MPHOSPH9: variants seen among roughly 807,000 people sequenced by gnomAD.
MPHOSPH9 encodes M-phase phosphoprotein 9.
Under a neutral mutation model 145.5 loss-of-function variants are expected in MPHOSPH9, and 88 were observed. The observed-to-expected ratio is 0.60, with a 90% CI of 0.51 to 0.72. The LOEUF is 0.72. Among genes scored for constraint, MPHOSPH9 ranks in the 30% least tolerant of loss-of-function variants. MPHOSPH9 has a pLI of 0.00. For missense variants in MPHOSPH9, 1,238 were observed against 1,386.6 expected (o/e 0.89, Z 1.70); for synonymous variants, 435 against 486.2 (o/e 0.89, Z 1.39).
intron 7 of MPHOSPH9, 49 bp from the exon 8 acceptor site, chr12:123,210,211 A>C: frequency 9.1e-7 from 1 of 1,097,406 alleles, no homozygotes; most frequent in East Asian, 2.7e-5. Context: ...AAAAAACAAA[A>C]ATGCTTTCTA....
intron 13 of MPHOSPH9, among the ~76,000 whole-genome samples, chr12:123,183,368 C>G (rs1238390301): frequency 1.3e-5 from 2 of 151,426 alleles, no homozygotes; most frequent in African/African-American, 2.4e-5. Flanking sequence ...GCTAACATAG[C>G]GAAACCCCGT....
intron 8 of MPHOSPH9, among the ~76,000 whole-genome samples, chr12:123,207,116 A>G (rs867584228): frequency 6.6e-6 from 1 of 150,476 alleles, no homozygotes; most frequent in South Asian, 2.1e-4. Flanking sequence ...GACTCTTTCC[A>G]TAAGAATAAA....
At chr12:123,221,930 G>C (rs2047217103) in intron 4 of MPHOSPH9, 35 bp from the exon 5 acceptor site, 1 of 1,159,528 alleles carries the variant, frequency 8.6e-7, no homozygotes. Context: ...GGGTAAGAAA[G>C]TATATTAAAC....
At chr12:123,241,895 G>C (rs1223321413) in intron 1 of MPHOSPH9, among the ~76,000 whole-genome samples, 1 of 152,196 alleles carries the variant, frequency 6.6e-6, no homozygotes, top group Non-Finnish European at 1.5e-5. Flanking sequence ...CCACTCAGTA[G>C]CACATAGGTT....
chr12:123,231,276 A>G (rs2047623328), intron 1 of MPHOSPH9, among the ~76,000 whole-genome samples: 3 of 152,204 alleles, frequency 2.0e-5, no homozygotes, highest in African/African-American at 7.2e-5. Flanking sequence ...AGGCTTTACA[A>G]TGAAAGTTCT....
chr12:123,239,681 C>T (rs1238464608), intron 1 of MPHOSPH9, among the ~76,000 whole-genome samples: 6 of 152,130 alleles, frequency 3.9e-5, no homozygotes, highest in Admixed American at 1.3e-4. Context: ...GGATTACAGG[C>T]GTGAGCTACC....
chr12:123,214,278 C>T (rs1288441584), intron 7 of MPHOSPH9, among the ~76,000 whole-genome samples: 2 of 152,142 alleles, frequency 1.3e-5, no homozygotes, highest in Admixed American at 6.6e-5. Context: ...GTGGCTGAAG[C>T]CTGTAATCCC....
rs968025470 is a variant in MPHOSPH9, at chr12:123,233,098, T to C, written c.-182A>G. ...ACCTGGCCGCCGCTCCCGCTGCCGA[T>C]GTCAGGGTCATGCAAGCGGCCTCTC... On this transcript the variant is annotated 5_prime_UTR_variant, in exon 1 of 24. Transcript: ENST00000606320. 16 of 152,188 alleles carry C rather than the reference T, an allele frequency of 1.1e-4. No individual in the cohort carries two copies. The highest frequency in any genetic ancestry group is 3.6e-4 in the African/African-American group (15 of 41,448). The allele number at this position is 152,188 out of a possible 1,614,324, so 9.4% of individuals were successfully genotyped here.
chr12:123,199,811 A>G lies in MPHOSPH9; in HGVS notation c.1938-1477T>C, dbSNP rs570620449. On this transcript the variant is annotated intron_variant, in intron 11 of 23. Coordinates refer to ENST00000606320, the MANE Select transcript of MPHOSPH9 (RefSeq NM_022782.4). The stretch of plus-strand genomic sequence containing the variant: ...CTCAAAAAAAAAAAAAAAGAAAGAA[A>G]GAAAAAAAGATTATCATTGATCCCA... 1.2e-3 allele frequency among the ~76,000 whole-genome samples: 187 copies of G among 152,088 alleles called. 4 individuals are homozygous for G. The highest frequency in any genetic ancestry group is 2.1e-4 in the South Asian group (1 of 4,826).
chr12:123,160,446 C>G lies in MPHOSPH9; in HGVS notation c.3450+335G>C, dbSNP rs75541989. 265 of 228,716 alleles carry G rather than the reference C, an allele frequency of 1.2e-3. 4 individuals are homozygous for G. In the East Asian group the frequency reaches 0.022, roughly 19 times the overall value. 14.2% of individuals were successfully genotyped at this position (228,716 alleles called of 1,614,324 possible). ...ATTACAGATTTGAGGAGGGAGAAAT[C>G]AAACAAAAAGAGAGGCAATCTGTGA... On this transcript the variant is annotated intron_variant, in intron 23 of 23. Coordinates refer to ENST00000606320, the MANE Select transcript of MPHOSPH9 (RefSeq NM_022782.4).
intron 4 of MPHOSPH9, 27 bp from the exon 5 acceptor site, chr12:123,221,922 G>C: frequency 7.9e-7 from 1 of 1,266,034 alleles, no homozygotes; most frequent in Non-Finnish European, 1.1e-6. Flanking sequence ...ATAGATTTGG[G>C]TAAGAAAGTA....
At chr12:123,198,429 G>T in intron 11 of MPHOSPH9, 95 bp from the exon 12 acceptor site, 1 of 980,352 alleles carries the variant, frequency 1.0e-6, no homozygotes, top group Non-Finnish European at 1.5e-6. Flanking sequence ...TATAACATAA[G>T]ACAAATTCTC....
At chr12:123,211,538 T>C (rs1216833661) in intron 7 of MPHOSPH9, among the ~76,000 whole-genome samples, 1 of 151,710 alleles carries the variant, frequency 6.6e-6, no homozygotes, top group African/African-American at 2.4e-5. Flanking sequence ...GTACTTTTAG[T>C]AGAGACAGGG....
At position 123,202,874 on chromosome 12, in the gene MPHOSPH9, A is replaced by C. The variant is rs772777988; in HGVS notation, c.1531T>G (p.Ser511Ala). The C allele has an allele frequency of 2.5e-6, 4 of 1,614,132 alleles. No individual in the cohort carries two copies. In the South Asian group the frequency reaches 4.4e-5, roughly 18 times the overall value. ...SQLPGFPKYP[S>A]HTKASPVDSW... ...TCCACCGGAGAAGCTTTTGTGTGTG[A>C]GGGATATTTTGGAAATCCAGGTAAC... The change falls in exon 10 of 24, where the codon TCA becomes GCA. Residue 511 changes from serine to alanine, a missense_variant. Physicochemically the swap from Ser to Ala is moderately conservative, Grantham distance 99. This residue lies in a region of MPHOSPH9 where 837 missense variants were observed against 897.5 expected (regional missense o/e 0.93). Transcript: ENST00000606320.
Position 123,221,796 on chromosome 12 carries a change from C to G in MPHOSPH9, c.448G>C (p.Glu150Gln). The G allele has an allele frequency of 6.2e-7, 1 of 1,614,026 alleles. No individual in the cohort carries two copies. The highest frequency in any genetic ancestry group is 8.5e-7 in the Non-Finnish European group (1 of 1,180,004). The part of the protein sequence containing the change: ...GNSSNKQVSS[E>Q]SQMGFFSLSS... Reference sequence around the variant, plus strand: ...AGAGAAAAAAAACCCATTTGACTTTCCGAAGATACTTGTTTGTTTGAAGAA... The same window carrying G: ...AGAGAAAAAAAACCCATTTGACTTTGCGAAGATACTTGTTTGTTTGAAGAA... The change falls in exon 5 of 24, where the codon GAA (glutamate) becomes CAA (glutamine). Residue 150 changes from glutamate to glutamine, a missense_variant. Glu to Gln is a conservative substitution (Grantham distance 29). This residue lies in a region of MPHOSPH9 where 837 missense variants were observed against 897.5 expected (regional missense o/e 0.93). Coordinates refer to ENST00000606320, the MANE Select transcript of MPHOSPH9 (RefSeq NM_022782.4).
chr12:123,190,982 T>C (rs2045651682), intron 13 of MPHOSPH9, among the ~76,000 whole-genome samples: 1 of 152,154 alleles, frequency 6.6e-6, no homozygotes, highest in South Asian at 2.1e-4. Context: ...TGCTGCTTGA[T>C]TGCTGCTCAA....
intron 1 of MPHOSPH9, among the ~76,000 whole-genome samples, chr12:123,242,991 A>G (rs912794419): frequency 6.6e-6 from 1 of 152,234 alleles, no homozygotes; most frequent in African/African-American, 2.4e-5. Flanking sequence ...GAATAAGGAA[A>G]GATAAGTTTT....
intron 12 of MPHOSPH9, among the ~76,000 whole-genome samples, chr12:123,196,592 T>TA (rs2045957758): frequency 6.6e-6 from 1 of 152,100 alleles, no homozygotes; most frequent in Non-Finnish European, 1.5e-5. Context: ...AAGTTACCTG[T>TA]AAAAAAATAA....
At chr12:123,213,160 A>T (rs1168843683) in intron 7 of MPHOSPH9, among the ~76,000 whole-genome samples, 2 of 151,970 alleles carry the variant, frequency 1.3e-5, no homozygotes, top group Non-Finnish European at 2.9e-5. Context: ...CGCCTGGCTG[A>T]CCATTCTGTT....
Sources: allele counts gnomAD v4.1 joint callset (sites outside exome capture counted in the v4.1 genomes callset), GRCh38; gene constraint gnomAD v4.1.1; regional missense constraint gnomAD v4.1.1; transcripts MANE v1.5; gene names NCBI Gene and HGNC (gene_info 2026-07-23, HGNC 2026-07-21).